Variants in FBXL20 observed in about 807,000 individuals in gnomAD.
The protein encoded by FBXL20 is F-box/LRR-repeat protein 20.
In FBXL20, 11 loss-of-function variants were observed where a neutral mutation model predicts 64.0. The observed-to-expected ratio is 0.17, with a 90% CI of 0.11 to 0.28. The LOEUF (loss-of-function observed/expected upper bound fraction) is 0.28. Among genes scored for constraint, FBXL20 ranks in the 10% least tolerant of loss-of-function variants. The pLI is 1.00. For synonymous variants in FBXL20, 184 were observed against 189.0 expected (o/e 0.97, Z 0.22); for missense variants, 303 against 526.2 (o/e 0.58, Z 4.15).
chr17:39,342,145 G>C (rs1258668267), intron 2 of FBXL20, among the ~76,000 whole-genome samples: 1 of 152,022 alleles, frequency 6.6e-6, no homozygotes, highest in Non-Finnish European at 1.5e-5. Context: ...GCCATGGTAT[G>C]GAATTTTGAG....
At position 39,254,639 on chromosome 17, in the gene FBXL20, C is replaced by G. The variant is rs2879259; in HGVS notation, c.*6821G>C. 119,672 of 154,274 alleles carry G rather than the reference C, an allele frequency of 0.78. 47,115 individuals carry two copies. Among genetic ancestry groups the G allele is most frequent in the South Asian group, 0.92 (4,505 of 4,900 alleles). 9.6% of individuals were successfully genotyped at this position (154,274 alleles called of 1,614,324 possible). A position where few individuals can be genotyped will look rare whatever the true frequency, so the allele number is the denominator to read the frequency against. On this transcript the variant is annotated 3_prime_UTR_variant, in exon 15 of 15. Transcript: ENST00000264658. Reference sequence around the variant, plus strand: ...CCCTCTTTGCCAGTAAAAAGGGGTGCAGTTGATCAGAGAGGAAAGTAAATG... The same window carrying G: ...CCCTCTTTGCCAGTAAAAAGGGGTGGAGTTGATCAGAGAGGAAAGTAAATG...
chr17:39,399,936 C>G (rs1039205049), intron 1 of FBXL20, among the ~76,000 whole-genome samples: 2 of 152,204 alleles, frequency 1.3e-5, no homozygotes, highest in Non-Finnish European at 2.9e-5. Flanking sequence ...GTATCTGGAA[C>G]TGCCTTTCAA....
chr17:39,310,916 G>C (rs554701258), intron 2 of FBXL20, among the ~76,000 whole-genome samples: 28 of 152,096 alleles, frequency 1.8e-4, no homozygotes, highest in African/African-American at 6.7e-4. Flanking sequence ...ACCCAGGGGG[G>C]CAGAGGTTGC....
chr17:39,297,785 G>T (rs890019510), intron 5 of FBXL20, among the ~76,000 whole-genome samples: 2 of 152,154 alleles, frequency 1.3e-5, no homozygotes, highest in Non-Finnish European at 2.9e-5. Context: ...ACCCAGGCTG[G>T]AGTATAGTGG....
chr17:39,287,291 A>G (rs1416812084), intron 6 of FBXL20, among the ~76,000 whole-genome samples: 1 of 152,112 alleles, frequency 6.6e-6, no homozygotes, highest in African/African-American at 2.4e-5. Context: ...TTCTCCAATT[A>G]TATCATAAAT....
At chr17:39,354,429 C>G (rs2047716691) in intron 1 of FBXL20, among the ~76,000 whole-genome samples, 1 of 152,178 alleles carries the variant, frequency 6.6e-6, no homozygotes, top group Non-Finnish European at 1.5e-5. Flanking sequence ...CTGGATGTGA[C>G]TGTTCCTTCT....
At chr17:39,293,619 T>C (rs893999587) in intron 6 of FBXL20, among the ~76,000 whole-genome samples, 1 of 152,348 alleles carries the variant, frequency 6.6e-6, no homozygotes, top group Admixed American at 6.5e-5. Context: ...GGAGTCTTTA[T>C]TGAATGTCCC....
intron 1 of FBXL20, among the ~76,000 whole-genome samples, chr17:39,399,102 G>C (rs904875943): frequency 2.0e-5 from 3 of 152,182 alleles, no homozygotes; most frequent in African/African-American, 7.2e-5. Context: ...TCAACTATCT[G>C]AAAATCATAG....
At chr17:39,362,468 C>T (rs1276935814) in intron 1 of FBXL20, among the ~76,000 whole-genome samples, 2 of 152,104 alleles carry the variant, frequency 1.3e-5, no homozygotes, top group Admixed American at 1.3e-4. Flanking sequence ...GGATTACAGG[C>T]ATGTGCCACC....
At chr17:39,287,163 G>A (rs988169485) in intron 6 of FBXL20, among the ~76,000 whole-genome samples, 4 of 151,774 alleles carry the variant, frequency 2.6e-5, no homozygotes, top group African/African-American at 4.8e-5. Flanking sequence ...TGCCCGCCTC[G>A]GCCTCCCAAA....
At chr17:39,272,267 T>C (rs1423837228) in intron 10 of FBXL20, among the ~76,000 whole-genome samples, 2 of 151,082 alleles carry the variant, frequency 1.3e-5, no homozygotes, top group African/African-American at 4.9e-5. Context: ...GCACGTGTAG[T>C]CCCAGCTATC....
intron 2 of FBXL20, among the ~76,000 whole-genome samples, chr17:39,338,034 C>G (rs974300141): frequency 7.9e-5 from 12 of 152,134 alleles, no homozygotes; most frequent in African/African-American, 2.2e-4. Context: ...CGTCTGGGAG[C>G]TGTACCCAAC....
chr17:39,270,110 A>C (rs1413550989), intron 11 of FBXL20, among the ~76,000 whole-genome samples: 1 of 152,234 alleles, frequency 6.6e-6, no homozygotes, highest in East Asian at 1.9e-4. Flanking sequence ...AATCTCCTAA[A>C]ACCTTTCCAT....
chr17:39,402,486 G>T (rs976379234), upstream of FBXL20: 1 of 341,066 alleles, frequency 2.9e-6, no homozygotes, highest in Non-Finnish European at 5.3e-6. Context: ...CCGGGGGTCG[G>T]GGGTGCAGGG....
Position 39,275,094 on chromosome 17 carries a change from T to C in FBXL20, c.703A>G (p.Thr235Ala). The C allele has an allele frequency of 6.2e-7, 1 of 1,603,078 alleles. No individual in the cohort carries two copies. Among genetic ancestry groups the C allele is most frequent in the Non-Finnish European group, 8.5e-7 (1 of 1,176,676 alleles). Residue 235 changes from threonine (T) to alanine (A), a missense_variant, in exon 10 of 15, where the codon ACA becomes GCA. Thr to Ala is a moderately conservative substitution (Grantham distance 58). Coordinates refer to ENST00000264658, the MANE Select transcript of FBXL20 (RefSeq NM_032875.3). ...TLNLQTCLQI[T>A]DEGLITICRG... ...CATATAGTAATGAGACCTTCATCTG[T>C]GATTTGCTAAAAAACAAGAGCAAAA... is the stretch of plus-strand genomic sequence containing the variant.
At chr17:39,379,822 T>G (rs1460288421) in intron 1 of FBXL20, among the ~76,000 whole-genome samples, 1 of 151,760 alleles carries the variant, frequency 6.6e-6, no homozygotes, top group African/African-American at 2.4e-5. Flanking sequence ...ATATAAAATA[T>G]TTAACAATTA....
intron 1 of FBXL20, among the ~76,000 whole-genome samples, chr17:39,348,847 A>G (rs1478440458): frequency 2.6e-5 from 4 of 152,120 alleles, no homozygotes; most frequent in African/African-American, 9.7e-5. Flanking sequence ...GAAACGTGTT[A>G]CCACACCTGA....
At chr17:39,380,996 C>T (rs1229236312) in intron 1 of FBXL20, among the ~76,000 whole-genome samples, 1 of 151,734 alleles carries the variant, frequency 6.6e-6, no homozygotes, top group African/African-American at 2.4e-5. Flanking sequence ...CCCGTCTCTA[C>T]TAAAAATACA....
chr17:39,265,587 G>T, intron 12 of FBXL20, 134 bp from the exon 13 acceptor site: 1 of 514,236 alleles, frequency 1.9e-6, no homozygotes, highest in Non-Finnish European at 3.2e-6. Context: ...GCTCACTGCA[G>T]CCTAAAACTT....
Sources: allele counts gnomAD v4.1 joint callset (sites outside exome capture counted in the v4.1 genomes callset), GRCh38; gene constraint gnomAD v4.1.1; transcripts MANE v1.5; gene names NCBI Gene and HGNC (gene_info 2026-07-23, HGNC 2026-07-21).